Variants in PTMA observed in about 807,000 individuals in gnomAD.
The protein encoded by PTMA is prothymosin alpha, also known as gene sequence 28.
A neutral mutation model predicts 16.9 loss-of-function variants in PTMA; 4 were observed. The observed-to-expected ratio is 0.24, with a 90% CI of 0.12 to 0.54. The LOEUF is 0.54. Ranked by LOEUF, PTMA falls within the 20% of genes least tolerant of loss-of-function variation. The probability of loss-of-function intolerance (pLI) is 0.95; values close to 1 mark genes in which losing one functional copy is unlikely to be tolerated. For synonymous variants in PTMA, 58 were observed against 47.9 expected (o/e 1.21, Z -0.87); for missense variants, 120 against 137.7 (o/e 0.87, Z 0.64).
chr2:231,709,506 A>G (rs2048488174), intron 1 of PTMA, among the ~76,000 whole-genome samples: 1 of 152,106 alleles, frequency 6.6e-6, no homozygotes, highest in Admixed American at 6.5e-5. Flanking sequence ...AGAGAAAGTG[A>G]AGCGCGGCGC....
At chr2:231,709,279 A>G (rs1300105169) in intron 1 of PTMA, among the ~76,000 whole-genome samples, 1 of 151,656 alleles carries the variant, frequency 6.6e-6, no homozygotes, top group African/African-American at 2.4e-5. Context: ...TGTCTAGACT[A>G]AGTCCCGATA....
Position 231,713,169 on chromosome 2 carries a change from T to A in PTMA, c.*318T>A, listed in dbSNP as rs2048541094. On this transcript the variant is annotated 3_prime_UTR_variant, in exon 5 of 5. Transcript: ENST00000409115. Reference sequence around the variant, plus strand: ...TGTACATATTGTTAGGGTCAGCCATTTTTAATGATCTCGGATGACCAAACC... The same window carrying A: ...TGTACATATTGTTAGGGTCAGCCATATTTAATGATCTCGGATGACCAAACC... The A allele has an allele frequency of 2.2e-6, 1 of 457,108 alleles. No homozygotes were observed. Among genetic ancestry groups the A allele is most frequent in the Non-Finnish European group, 4.3e-6 (1 of 231,442 alleles). The allele number at this position is 457,108 out of a possible 1,614,324, so 28.3% of individuals were successfully genotyped here. A position where few individuals can be genotyped will look rare whatever the true frequency, so the allele number is the denominator to read the frequency against.
intron 3 of PTMA, among the ~76,000 whole-genome samples, chr2:231,712,228 G>C (rs1028591108): frequency 1.3e-5 from 2 of 152,194 alleles, no homozygotes; most frequent in Admixed American, 6.5e-5. Context: ...GAAAGCCACT[G>C]ATCTATTGGG....
chr2:231,711,580 T>C (rs2048519346), intron 2 of PTMA, 161 bp downstream of exon 2: 3 of 750,934 alleles, frequency 4.0e-6, no homozygotes, highest in Admixed American at 5.7e-5. Context: ...GCGCGATTAT[T>C]GCTAGTTAAA....
Position 231,712,981 on chromosome 2 carries a change from T to A in PTMA, c.*130T>A. On this transcript the variant is annotated 3_prime_UTR_variant, in exon 5 of 5. Coordinates refer to ENST00000409115, the MANE Select transcript of PTMA (RefSeq NM_002823.5). ...AGGCCCGCCCGCCCACCGTGGGCAG[T>A]GCCACCCGCAGATGACACGCGCTCT... The A allele has an allele frequency of 1.0e-6, 1 of 957,678 alleles. No individual in the cohort carries two copies. Among genetic ancestry groups the A allele is most frequent in the East Asian group, 2.6e-5 (1 of 37,854 alleles). The allele number at this position is 957,678 out of a possible 1,614,324, so 59.3% of individuals were successfully genotyped here. A position where few individuals can be genotyped will look rare whatever the true frequency, so the allele number is the denominator to read the frequency against.
intron 1 of PTMA, chr2:231,711,139 G>A (rs2048513178): frequency 2.1e-6 from 1 of 477,122 alleles, no homozygotes; most frequent in African/African-American, 2.4e-5. Context: ...TAAAGGATGG[G>A]AAACCTTGAT....
chr2:231,711,505 GTGTGTA>G (rs1575352543), intron 2 of PTMA, 86 bp downstream of exon 2: 2 of 1,232,124 alleles, frequency 1.6e-6, no homozygotes, highest in Non-Finnish European at 2.4e-6. Context: ...CTATATATGT[GTGTGTA>G]TGTGTATATG....
chr2:231,710,253 C>G lies in PTMA; in HGVS notation c.46-1095C>G, dbSNP rs371087536. The G allele has an allele frequency of 1.8e-4, 239 of 1,337,864 alleles. No individual in the cohort carries two copies. The African/African-American group carries it at 3.1e-3, about 17-fold the overall frequency. 82.9% of individuals were successfully genotyped at this position (1,337,864 alleles called of 1,614,324 possible). On this transcript the variant is annotated intron_variant, in intron 1 of 4. Transcript: ENST00000409115. ...AGAGCCCGGCCGACCGACGCGCGAC[C>G]CGCGCGCGTGCCACTGCAAGCTCTG...
chr2:231,709,392 C>T lies in PTMA; in HGVS notation c.45+641C>T, dbSNP rs6716877. On this transcript the variant is annotated intron_variant, in intron 1 of 4. Coordinates refer to ENST00000409115, the MANE Select transcript of PTMA (RefSeq NM_002823.5). ...GCGCTCTGGGAGGCGGGGGTGGGCG[C>T]CCTTCGAGGTGAGTGCGCCGGGAGC... 8.2e-3 allele frequency among the ~76,000 whole-genome samples: 1,255 copies of T among 152,248 alleles called. 12 individuals are homozygous for T. Among genetic ancestry groups the T allele is most frequent in the African/African-American group, 0.029 (1,197 of 41,544 alleles).
intron 1 of PTMA, chr2:231,710,575 C>T (rs1363044146): frequency 1.8e-6 from 1 of 540,720 alleles, no homozygotes; most frequent in Non-Finnish European, 3.4e-6. Flanking sequence ...GGCCCGGACG[C>T]CGGACCTCTG....
intron 1 of PTMA, chr2:231,710,524 C>A: frequency 2.4e-6 from 2 of 828,328 alleles, no homozygotes; most frequent in African/African-American, 1.9e-5. Flanking sequence ...CGACAGGTGG[C>A]CCGGAGCCGC....
chr2:231,710,197 G>A (rs755828778), intron 1 of PTMA: 1 of 1,318,710 alleles, frequency 7.6e-7, no homozygotes, highest in South Asian at 2.3e-5. Flanking sequence ...ATTCGGGCCT[G>A]CCGGGGTGGC....
chr2:231,711,161 C>T (rs914478258), intron 1 of PTMA, 187 bp from the exon 2 acceptor site: 1 of 530,552 alleles, frequency 1.9e-6, no homozygotes. Flanking sequence ...ACAGATGCCC[C>T]CCGCCGGCCT....
At chr2:231,709,913 C>T (rs1412192063) in intron 1 of PTMA, 5 of 423,478 alleles carry the variant, frequency 1.2e-5, no homozygotes, top group South Asian at 2.5e-4. Flanking sequence ...CTCCCAGGGG[C>T]GACTTCTTGG....
chr2:231,712,704 T>G, intron 4 of PTMA, 100 bp from the exon 5 acceptor site: 1 of 1,440,670 alleles, frequency 6.9e-7, no homozygotes, highest in South Asian at 1.3e-5. Context: ...GCTGTGGAGC[T>G]GGGGGTCCCT....
At chr2:231,709,244 G>T (rs1033025030) in intron 1 of PTMA, among the ~76,000 whole-genome samples, 1 of 152,208 alleles carries the variant, frequency 6.6e-6, no homozygotes, top group Non-Finnish European at 1.5e-5. Context: ...GCGGTTTCGC[G>T]CCCTGCAGCG....
At position 231,712,471 on chromosome 2, in the gene PTMA, G is replaced by A; in HGVS notation, c.240G>A (p.Glu80=). Residue 80 remains glutamate (E), a synonymous_variant, in exon 4 of 5, where the codon GAG becomes GAA. Coordinates refer to ENST00000409115, the MANE Select transcript of PTMA (RefSeq NM_002823.5). ...AGGAAGAGGATGGAGATGAAGATGAGGAAGCTGAGTCAGCTACGGGCAAGC... is the reference window on the plus strand; with the variant it reads ...AGGAAGAGGATGGAGATGAAGATGAAGAAGCTGAGTCAGCTACGGGCAAGC... ...DGEEEDGDED[E]EAESATGKRA... The A allele has an allele frequency of 1.2e-6, 2 of 1,614,082 alleles. No individual in the cohort carries two copies. Among genetic ancestry groups the A allele is most frequent in the South Asian group, 1.1e-5 (1 of 91,002 alleles).
At chr2:231,709,987 C>T (rs2048495290) in intron 1 of PTMA, 1 of 1,034,382 alleles carries the variant, frequency 9.7e-7, no homozygotes, top group Non-Finnish European at 1.2e-6. Flanking sequence ...GGACTCAGTC[C>T]GGGAATGAGT....
At position 231,713,195 on chromosome 2, in the gene PTMA, A is replaced by G; in HGVS notation, c.*344A>G. The G allele has an allele frequency of 2.1e-6, 1 of 470,960 alleles. No individual in the cohort carries two copies. The highest frequency in any genetic ancestry group is 2.9e-5 in the Admixed American group (1 of 34,134). 29.2% of individuals were successfully genotyped at this position (470,960 alleles called of 1,614,324 possible). A position where few individuals can be genotyped will look rare whatever the true frequency, so the allele number is the denominator to read the frequency against. On this transcript the variant is annotated 3_prime_UTR_variant, in exon 5 of 5. Transcript: ENST00000409115. ...TTTAATGATCTCGGATGACCAAACC[A>G]GCCTTCGGAGCGTTCTCTGTCCTAC...
Sources: gnomAD v4.1 joint callset for allele counts (sites outside exome capture counted in the v4.1 genomes callset) on GRCh38, gnomAD v4.1.1 for gene constraint, MANE v1.5 for transcripts, NCBI Gene and HGNC (gene_info 2026-07-23, HGNC 2026-07-21) for gene names.